TUB: variants seen among roughly 807,000 people sequenced by gnomAD.
TUB encodes TUB bipartite transcription factor.
In TUB, 33 loss-of-function variants were observed where a neutral mutation model predicts 59.7. The ratio of observed to expected loss-of-function variants is 0.55; its 90% confidence interval spans 0.42 to 0.74. TUB has a LOEUF of 0.74. TUB is among the 30% of genes least tolerant of loss of function. The probability of loss-of-function intolerance (pLI) is 0.00; values close to 1 mark genes in which losing one functional copy is unlikely to be tolerated. For synonymous variants in TUB, 293 were observed against 256.4 expected (o/e 1.14, Z -1.36); for missense variants, 659 against 672.0 (o/e 0.98, Z 0.21).
chr11:8,085,768 G>A (rs1943653874), intron 1 of TUB, among the ~76,000 whole-genome samples: 1 of 152,252 alleles, frequency 6.6e-6, no homozygotes, highest in Admixed American at 6.5e-5. Flanking sequence ...AGTAGCTGGA[G>A]CATGTAAGGT....
At position 8,039,692 on chromosome 11, in the gene TUB, G is replaced by A. The variant is rs745541617; in HGVS notation, c.203G>A (p.Arg68His). Reference sequence around the variant, plus strand: ...TGGAAGGAAGGAAGGGAGATCGCTCGGTGAGCTGGAGGGGAGGAGGGCGTG... The same window carrying A: ...TGGAAGGAAGGAAGGGAGATCGCTCAGTGAGCTGGAGGGGAGGAGGGCGTG... Residue 68 changes from arginine (R) to histidine (H), a missense_variant and splice_region_variant, in exon 2 of 13, where the codon CGT (arginine) becomes CAT (histidine). By Grantham distance (29) the Arg-to-His change is conservative. Transcript: ENST00000305253. The A allele has an allele frequency of 3.5e-5, 53 of 1,535,034 alleles. No individual in the cohort carries two copies. The East Asian group carries it at 6.4e-4, about 19-fold the overall frequency.
At chr11:8,099,893 G>C (rs1420940018) in intron 9 of TUB, among the ~76,000 whole-genome samples, 2 of 152,208 alleles carry the variant, frequency 1.3e-5, no homozygotes, top group South Asian at 2.1e-4. Flanking sequence ...TGGATACCAG[G>C]CAGTAAATGG....
chr11:8,089,125 C>T (rs1050205240), intron 1 of TUB, among the ~76,000 whole-genome samples: 16 of 152,126 alleles, frequency 1.1e-4, no homozygotes, highest in African/African-American at 3.6e-4. Flanking sequence ...TTGCTTTCAA[C>T]GGATGGGGAA....
chr11:8,047,105 G>C (rs1409083488), intron 2 of TUB, among the ~76,000 whole-genome samples: 1 of 152,126 alleles, frequency 6.6e-6, no homozygotes, highest in Admixed American at 6.5e-5. Context: ...TCTGGTTCCT[G>C]TTATATTCTC....
upstream of TUB, among the ~76,000 whole-genome samples, chr11:8,079,279 G>A (rs572868312): frequency 1.3e-5 from 2 of 152,250 alleles, no homozygotes; most frequent in East Asian, 1.9e-4. Flanking sequence ...CCTGGAGGGC[G>A]CGGCCTCCAG....
chr11:8,106,219 A>AAATT lies in TUB; in HGVS notation c.*4603_*4606dup, dbSNP rs1465553460. On this transcript the variant is annotated 3_prime_UTR_variant, in exon 12 of 12. Coordinates refer to ENST00000299506, the MANE Select transcript of TUB (RefSeq NM_177972.3). ...TGTCTAAGTACACACATATATCAAC[A>AAATT]AATTAAACTTGAATCGTTTCAACAC... 1.6e-4 allele frequency: 24 copies of AAATT among 152,234 alleles called. No individual in the cohort carries two copies. Among genetic ancestry groups the AAATT allele is most frequent in the African/African-American group, 5.5e-4 (23 of 41,452 alleles). 9.4% of individuals were successfully genotyped at this position (152,234 alleles called of 1,614,324 possible).
chr11:8,069,645 A>G (rs1943322421), intron 2 of TUB, among the ~76,000 whole-genome samples: 1 of 152,068 alleles, frequency 6.6e-6, no homozygotes. Context: ...ATTAGCCGTC[A>G]TCGGAAATGT....
intron 1 of TUB, among the ~76,000 whole-genome samples, chr11:8,023,970 C>T (rs1230743571): frequency 6.6e-6 from 1 of 152,222 alleles, no homozygotes; most frequent in African/African-American, 2.4e-5. Flanking sequence ...CCCTTCTCTT[C>T]AGTTATTCAC....
intron 2 of TUB, among the ~76,000 whole-genome samples, chr11:8,072,551 C>T (rs1326184198): frequency 1.3e-5 from 2 of 152,224 alleles, no homozygotes; most frequent in African/African-American, 2.4e-5. Context: ...AGTGCTGGCC[C>T]TGTGTGAGGG....
At chr11:8,036,839 T>G (rs562992698), upstream of TUB, among the ~76,000 whole-genome samples, 2 of 152,304 alleles carry the variant, frequency 1.3e-5, no homozygotes, top group South Asian at 4.1e-4. Context: ...GGTCCAGCCT[T>G]AAGGTAAGAA....
chr11:8,082,663 C>T (rs775763853), intron 1 of TUB, among the ~76,000 whole-genome samples: 86 of 152,332 alleles, frequency 5.6e-4, no homozygotes, highest in Middle Eastern at 3.4e-3. Context: ...AGCCTCATAC[C>T]AGTCACTGAT....
In TUB at chr11:8,101,778, T is replaced by G. The variant is rs1205103982; in HGVS notation, c.*159T>G. ...GCCCAGCCAGCCAGGAACTGGCTCCTTTGCCTCTGCTACTGAGGCAGGGGA... is the reference window on the plus strand; with the variant it reads ...GCCCAGCCAGCCAGGAACTGGCTCCGTTGCCTCTGCTACTGAGGCAGGGGA... On this transcript the variant is annotated 3_prime_UTR_variant, in exon 12 of 12. Coordinates refer to ENST00000299506, the MANE Select transcript of TUB (RefSeq NM_177972.3). 1 of 1,317,540 alleles carries G rather than the reference T, an allele frequency of 7.6e-7. No homozygotes were observed. The highest frequency in any genetic ancestry group is 1.5e-5 in the African/African-American group (1 of 67,192). The allele number at this position is 1,317,540 out of a possible 1,614,324, so 81.6% of individuals were successfully genotyped here. A position where few individuals can be genotyped will look rare whatever the true frequency, so the allele number is the denominator to read the frequency against.
chr11:8,029,665 A>AG (rs140069402), intron 1 of TUB, among the ~76,000 whole-genome samples: 3,571 of 152,226 alleles, frequency 0.023, 137 homozygotes, highest in African/African-American at 0.08. Context: ...CTGGGATTAC[A>AG]GGTATGAGCC....
chr11:8,033,902 G>A (rs1942610483), upstream of TUB, among the ~76,000 whole-genome samples: 1 of 152,246 alleles, frequency 6.6e-6, no homozygotes, highest in South Asian at 2.1e-4. Context: ...CCTGGTTCTG[G>A]CTGTTGCCAG....
chr11:8,038,075 G>A (rs151302625), upstream of TUB, among the ~76,000 whole-genome samples: 148 of 152,290 alleles, frequency 9.7e-4, no homozygotes, highest in African/African-American at 3.4e-3. Context: ...AGAAAGCTAC[G>A]ATGGTGCCTC....
chr11:8,060,407 A>C (rs1943101684), intron 2 of TUB, among the ~76,000 whole-genome samples: 1 of 152,096 alleles, frequency 6.6e-6, no homozygotes. Context: ...CTGACTTAGG[A>C]GTTGGAGGCC....
At chr11:8,097,104 C>T in intron 6 of TUB, 124 bp from the exon 7 acceptor site, 2 of 1,115,756 alleles carry the variant, frequency 1.8e-6, no homozygotes, top group South Asian at 1.5e-5. Context: ...GCTGGCCAGG[C>T]CCCAATCCCA....
exon 1 of TUB, chr11:8,038,666 G>A: frequency 7.3e-7 from 1 of 1,372,524 alleles, no homozygotes; most frequent in Non-Finnish European, 9.4e-7. Context: ...AAGGGTTTGG[G>A]GGGAGACTGC....
chr11:8,066,135 TC>T (rs1314938699), intron 2 of TUB, among the ~76,000 whole-genome samples: 1 of 152,100 alleles, frequency 6.6e-6, no homozygotes, highest in Admixed American at 6.5e-5. Flanking sequence ...CTGTGGGGGC[TC>T]CAAGGGTACT....
Sources: allele counts gnomAD v4.1 joint callset (sites outside exome capture counted in the v4.1 genomes callset), GRCh38; gene constraint gnomAD v4.1.1; transcripts MANE v1.5; gene names NCBI Gene and HGNC (gene_info 2026-07-23, HGNC 2026-07-21).